AMMECR1: variants seen among roughly 807,000 people sequenced by gnomAD.
AMMECR1 encodes AMMECR nuclear protein 1.
In AMMECR1, 3 loss-of-function variants were observed where a neutral mutation model predicts 22.5. That is an observed-to-expected ratio of 0.13 (90% CI 0.06 to 0.35). The LOEUF (loss-of-function observed/expected upper bound fraction) is 0.35. AMMECR1 is among the 10% of genes least tolerant of loss of function. The pLI, the probability that AMMECR1 is intolerant of heterozygous loss-of-function variation, is 1.00. For missense variants in AMMECR1, 235 were observed against 278.7 expected, an observed-to-expected ratio of 0.84 and a Z score of 1.12; for synonymous variants, 130 against 116.7, an observed-to-expected ratio of 1.11 and a Z score of -0.74.
At chrX:110,343,780 T>A (rs2068175596) in intron 2 of AMMECR1, among the ~76,000 whole-genome samples, 1 of 110,297 alleles carries the variant, frequency 9.1e-6, no homozygotes, top group East Asian at 2.8e-4. Flanking sequence ...GGAATCCAAC[T>A]TACAAGGGAT....
chrX:110,230,276 T>A (rs1302596491), intron 2 of AMMECR1, among the ~76,000 whole-genome samples: 2 of 112,077 alleles, frequency 1.8e-5, no homozygotes, highest in Non-Finnish European at 3.8e-5. Context: ...ACCTCATATA[T>A]GCAGCTGCCC....
At chrX:110,327,329 A>G (rs1338531121) in intron 2 of AMMECR1, among the ~76,000 whole-genome samples, 2 of 112,188 alleles carry the variant, frequency 1.8e-5, no homozygotes, top group African/African-American at 6.5e-5. Context: ...GAGACTAAAC[A>G]AGAGTAGCAA....
At chrX:110,436,362 G>T (rs2068838465) in intron 1 of AMMECR1, among the ~76,000 whole-genome samples, 1 of 111,766 alleles carries the variant, frequency 8.9e-6, no homozygotes. Context: ...CTTAAGGAGA[G>T]CTCTTTAAAC....
intron 1 of AMMECR1, among the ~76,000 whole-genome samples, chrX:110,429,724 C>T (rs1205122724): frequency 1.8e-5 from 2 of 111,257 alleles, no homozygotes; most frequent in African/African-American, 6.6e-5. Flanking sequence ...TCAAGTGTTC[C>T]ACCTGTCTCG....
intron 1 of AMMECR1, among the ~76,000 whole-genome samples, chrX:110,281,973 A>C (rs1293676637): frequency 1.8e-5 from 2 of 112,220 alleles, no homozygotes; most frequent in African/African-American, 6.5e-5. Context: ...AGAATAAAAT[A>C]GGTTAATATA....
At chrX:110,421,905 C>T (rs754242874) in intron 2 of AMMECR1, among the ~76,000 whole-genome samples, 2 of 112,840 alleles carry the variant, frequency 1.8e-5, no homozygotes, top group South Asian at 7.3e-4. Context: ...ATGCAAATGG[C>T]CAAATCCCAA....
chrX:110,351,500 A>G (rs2068211246), intron 2 of AMMECR1, among the ~76,000 whole-genome samples: 1 of 112,040 alleles, frequency 8.9e-6, no homozygotes, highest in Admixed American at 9.5e-5. Context: ...AAAACAGAGT[A>G]TTTTTAACAA....
intron 2 of AMMECR1, among the ~76,000 whole-genome samples, chrX:110,363,734 C>T (rs1256569196): frequency 9.0e-6 from 1 of 111,589 alleles, no homozygotes; most frequent in African/African-American, 3.3e-5. Flanking sequence ...TACATGACTC[C>T]ATCTCTTCAG....
chrX:110,245,780 T>G, intron 2 of AMMECR1, among the ~76,000 whole-genome samples: 1 of 110,618 alleles, frequency 9.0e-6, no homozygotes, highest in Middle Eastern at 4.6e-3. Context: ...ACCTGAAACT[T>G]TGGTCCTCCC....
At chrX:110,423,144 A>G (rs958895726) in intron 2 of AMMECR1, among the ~76,000 whole-genome samples, 1 of 111,381 alleles carries the variant, frequency 9.0e-6, no homozygotes, top group African/African-American at 3.3e-5. Flanking sequence ...CCTGGCCAAC[A>G]TGGCGAAACC....
upstream of AMMECR1, among the ~76,000 whole-genome samples, chrX:110,320,522 C>T (rs1179589105): frequency 2.7e-5 from 3 of 111,956 alleles, no homozygotes; most frequent in Non-Finnish European, 5.6e-5. Flanking sequence ...AATGTAATCT[C>T]CCAATTTAGA....
At chrX:110,288,690 CTA>C (rs1470401765) in intron 1 of AMMECR1, among the ~76,000 whole-genome samples, 1 of 111,950 alleles carries the variant, frequency 8.9e-6, no homozygotes, top group Non-Finnish European at 1.9e-5. Flanking sequence ...AAATGCCAAA[CTA>C]TACCATTTCT....
chrX:110,362,529 C>T (rs951017167), intron 2 of AMMECR1, among the ~76,000 whole-genome samples: 6 of 112,403 alleles, frequency 5.3e-5, no homozygotes, highest in Non-Finnish European at 1.9e-5. Flanking sequence ...TTCTGAAGTA[C>T]TCCCAGAAGC....
chrX:110,268,276 G>A (rs940698834), intron 1 of AMMECR1, among the ~76,000 whole-genome samples: 1 of 111,833 alleles, frequency 8.9e-6, no homozygotes, highest in Non-Finnish European at 1.9e-5. Context: ...AAGTATCTGT[G>A]TCAAAGATGG....
At chrX:110,200,303 G>A (rs1198823222) in intron 5 of AMMECR1, among the ~76,000 whole-genome samples, 3 of 111,369 alleles carry the variant, frequency 2.7e-5, no homozygotes, top group African/African-American at 9.8e-5. Context: ...CTCCTCCACT[G>A]TGAACTCAGG....
chrX:110,370,760 C>A (rs1216460238), intron 2 of AMMECR1, among the ~76,000 whole-genome samples: 1 of 112,016 alleles, frequency 8.9e-6, no homozygotes, highest in Non-Finnish European at 1.9e-5. Context: ...CCTGTGGAGT[C>A]CACATGGCTA....
chrX:110,348,024 C>G (rs1182041540), intron 2 of AMMECR1, among the ~76,000 whole-genome samples: 1 of 112,200 alleles, frequency 8.9e-6, no homozygotes, highest in Non-Finnish European at 1.9e-5. Flanking sequence ...TTTAATTTCT[C>G]TTTTGTGAAT....
intron 1 of AMMECR1, among the ~76,000 whole-genome samples, chrX:110,304,584 A>G (rs974559996): frequency 5.4e-5 from 6 of 112,148 alleles, no homozygotes; most frequent in African/African-American, 1.9e-4. Flanking sequence ...CACTTTGTCT[A>G]CAGAGCAGAC....
At chrX:110,379,118 C>T (rs775378744) in intron 2 of AMMECR1, among the ~76,000 whole-genome samples, 1 of 111,876 alleles carries the variant, frequency 8.9e-6, no homozygotes, top group South Asian at 3.8e-4. Flanking sequence ...TCATGATACT[C>T]GTTATCATAC....
Sources: allele counts gnomAD v4.1 joint callset (sites outside exome capture counted in the v4.1 genomes callset), GRCh38; gene constraint gnomAD v4.1.1; transcripts MANE v1.5; gene names NCBI Gene and HGNC (gene_info 2026-07-23, HGNC 2026-07-21).